The following DIP2B variants were observed in gnomAD, a reference collection of about 807,000 sequenced individuals.
DIP2B encodes DIP2 acetate--CoA ligase B (putative).
Under a neutral mutation model 198.0 loss-of-function variants are expected in DIP2B, and 76 were observed. The ratio of observed to expected loss-of-function variants is 0.38; its 90% confidence interval spans 0.32 to 0.46. DIP2B has a LOEUF of 0.46. Ranked by LOEUF, DIP2B falls within the 20% of genes least tolerant of loss-of-function variation. The pLI, the probability that DIP2B is intolerant of heterozygous loss-of-function variation, is 0.99. For synonymous variants in DIP2B, 701 were observed against 739.1 expected (o/e 0.95, Z 0.84); for missense variants, 1,559 against 1,978.4 (o/e 0.79, Z 4.02).
chr12:50,678,616 A>C (rs1205715483), intron 7 of DIP2B, 63 bp from the exon 8 acceptor site: 4 of 1,507,124 alleles, frequency 2.7e-6, no homozygotes. Flanking sequence ...TTGAGATTAG[A>C]GACCTAAGTT....
chr12:50,701,004 G>A (rs1047962372), intron 19 of DIP2B, among the ~76,000 whole-genome samples: 8 of 152,054 alleles, frequency 5.3e-5, no homozygotes, highest in Non-Finnish European at 8.8e-5. Flanking sequence ...GAGCCGTTGC[G>A]CCTGTAATTT....
chr12:50,572,256 CCA>C (rs1361204379), intron 1 of DIP2B, among the ~76,000 whole-genome samples: 15 of 152,270 alleles, frequency 9.9e-5, no homozygotes, highest in Admixed American at 4.6e-4. Flanking sequence ...CAGACTAAGA[CCA>C]CAGTTTCCTC....
chr12:50,556,912 G>A (rs4768890), intron 1 of DIP2B, among the ~76,000 whole-genome samples: 37,350 of 152,058 alleles, frequency 0.25, 5,391 homozygotes, highest in East Asian at 0.39. Context: ...GTTTCTCCAT[G>A]TTGGTCAGGC....
intron 32 of DIP2B, among the ~76,000 whole-genome samples, chr12:50,733,219 T>A (rs1940077410): frequency 6.6e-6 from 1 of 150,876 alleles, no homozygotes; most frequent in East Asian, 2.0e-4. Context: ...CCTTCTGTTT[T>A]TCTGTCTCTA....
At chr12:50,694,941 T>A (rs1939284589) in intron 14 of DIP2B, among the ~76,000 whole-genome samples, 1 of 152,140 alleles carries the variant, frequency 6.6e-6, no homozygotes, top group African/African-American at 2.4e-5. Context: ...GTTACAGATA[T>A]ATGTATAATA....
intron 22 of DIP2B, among the ~76,000 whole-genome samples, chr12:50,710,195 G>A (rs1022059562): frequency 2.0e-5 from 3 of 152,120 alleles, no homozygotes; most frequent in South Asian, 2.1e-4. Context: ...CCCAGAGCCC[G>A]GTAGCTATGC....
chr12:50,598,324 G>A (rs1016412862), intron 1 of DIP2B, among the ~76,000 whole-genome samples: 3 of 152,046 alleles, frequency 2.0e-5, no homozygotes, highest in African/African-American at 7.3e-5. Context: ...AAGTTAAGTA[G>A]TTTTAATTCT....
At chr12:50,586,668 G>A (rs56753963) in intron 1 of DIP2B, among the ~76,000 whole-genome samples, 10,822 of 152,108 alleles carry the variant, frequency 0.071, 813 homozygotes, top group East Asian at 0.36. Context: ...TGCCTCCCGG[G>A]TTCAAGCGAT....
At chr12:50,679,476 G>A (rs924469254) in intron 8 of DIP2B, 2 of 152,468 alleles carry the variant, frequency 1.3e-5, no homozygotes, top group Non-Finnish European at 2.9e-5. Context: ...GAAAAACAAG[G>A]TTTTATTTAA....
chr12:50,674,397 A>G (rs1592121706), intron 5 of DIP2B, 77 bp from the exon 6 acceptor site: 1 of 1,543,746 alleles, frequency 6.5e-7, no homozygotes, highest in East Asian at 2.3e-5. Flanking sequence ...TTCCTTGTTA[A>G]AAAACAAAAC....
chr12:50,651,599 T>C (rs1035432420), intron 3 of DIP2B, among the ~76,000 whole-genome samples: 2 of 152,210 alleles, frequency 1.3e-5, no homozygotes, highest in African/African-American at 4.8e-5. Context: ...TTCCTCATTG[T>C]GTAGTTTTGG....
At chr12:50,553,346 C>T (rs1359036534) in intron 1 of DIP2B, among the ~76,000 whole-genome samples, 1 of 152,138 alleles carries the variant, frequency 6.6e-6, no homozygotes, top group Non-Finnish European at 1.5e-5. Flanking sequence ...GTACCATGAA[C>T]GACAGATTGT....
chr12:50,581,170 A>G lies in DIP2B; in HGVS notation c.101-44806A>G, dbSNP rs12304266. ...TTTCTGCATGTGAATGAGCACAACT[A>G]CTTGATGACTTTCAAAAACACAGAT... On this transcript the variant is annotated intron_variant, in intron 1 of 37. Transcript: ENST00000301180. Among the ~76,000 whole-genome samples, 255 of 149,622 alleles carry G rather than the reference A, an allele frequency of 1.7e-3. 14 individuals carry two copies. Among genetic ancestry groups the G allele is most frequent in the African/African-American group, 5.7e-3 (234 of 41,004 alleles).
Position 50,697,089 on chromosome 12 carries a change from G to A in DIP2B, c.1962G>A (p.Leu654=). Residue 654 remains leucine (L), a synonymous_variant, in exon 17 of 38, where the codon CTG becomes CTA. Transcript: ENST00000301180. ...CCGTGTCATCCTGTGATGCCTTCCT[G>A]AGTCTGTTCCAAAGTCATGGACTGA... ...PWSVSSCDAF[L]SLFQSHGLKP... is the part of the protein sequence containing the mutation. 1 of 1,614,068 alleles carries A rather than the reference G, an allele frequency of 6.2e-7. No individual in the cohort carries two copies. Among genetic ancestry groups the A allele is most frequent in the Non-Finnish European group, 8.5e-7 (1 of 1,179,978 alleles).
intron 3 of DIP2B, among the ~76,000 whole-genome samples, chr12:50,644,731 C>T (rs1938320579): frequency 6.6e-6 from 1 of 152,150 alleles, no homozygotes; most frequent in Non-Finnish European, 1.5e-5. Flanking sequence ...TAATCTGTTG[C>T]TGTGAATGCC....
intron 15 of DIP2B, 151 bp from the exon 16 acceptor site, chr12:50,695,697 G>C (rs1029345998): frequency 1.0e-5 from 11 of 1,084,780 alleles, no homozygotes; most frequent in Non-Finnish European, 1.2e-5. Flanking sequence ...TTCTGCCTCT[G>C]AGCTATTGGC....
intron 2 of DIP2B, among the ~76,000 whole-genome samples, chr12:50,636,522 A>G (rs900895208): frequency 1.3e-5 from 2 of 152,182 alleles, no homozygotes; most frequent in Non-Finnish European, 2.9e-5. Flanking sequence ...ATTGTCTGAG[A>G]ACCCTCAGGG....
intron 1 of DIP2B, among the ~76,000 whole-genome samples, chr12:50,541,483 A>T (rs1958325519): frequency 6.6e-6 from 1 of 151,768 alleles, no homozygotes; most frequent in African/African-American, 2.4e-5. Context: ...TAAGAGAAAC[A>T]GAGATAGAAA....
chr12:50,601,023 C>T (rs939715455), intron 1 of DIP2B, among the ~76,000 whole-genome samples: 1 of 151,988 alleles, frequency 6.6e-6, no homozygotes, highest in Non-Finnish European at 1.5e-5. Flanking sequence ...ATTGGAAGCC[C>T]TCATCCCTGC....
Sources: allele counts gnomAD v4.1 joint callset (sites outside exome capture counted in the v4.1 genomes callset), GRCh38; gene constraint gnomAD v4.1.1; transcripts MANE v1.5; gene names NCBI Gene and HGNC (gene_info 2026-07-23, HGNC 2026-07-21).